ZNF804B: variants seen among roughly 807,000 people sequenced by gnomAD.
ZNF804B encodes zinc finger 804B.
In ZNF804B, 80 loss-of-function variants were observed where a neutral mutation model predicts 101.4. The ratio of observed to expected loss-of-function variants is 0.79; its 90% CI spans 0.66 to 0.95. The LOEUF (loss-of-function observed/expected upper bound fraction) is 0.95. ZNF804B is among the 40% of genes least tolerant of loss of function. ZNF804B has a pLI of 0.00. For synonymous variants in ZNF804B, 622 were observed against 558.8 expected (o/e 1.11, Z -1.59); for missense variants, 1,673 against 1,561.9 (o/e 1.07, Z -1.20).
intron 1 of ZNF804B, among the ~76,000 whole-genome samples, chr7:88,801,492 C>T (rs1254396642): frequency 1.3e-5 from 2 of 152,024 alleles, no homozygotes; most frequent in African/African-American, 2.4e-5. Flanking sequence ...GCACCCAGAG[C>T]CCTTTTAAGA....
At chr7:89,282,613 A>G (rs1012005490) in intron 2 of ZNF804B, among the ~76,000 whole-genome samples, 16 of 152,172 alleles carry the variant, frequency 1.1e-4, no homozygotes, top group Admixed American at 4.6e-4. Context: ...ATTTGGAAAA[A>G]TGGTCTTTGC....
intron 2 of ZNF804B, among the ~76,000 whole-genome samples, chr7:89,247,583 A>G (rs909181934): frequency 2.0e-5 from 3 of 152,196 alleles, no homozygotes; most frequent in Non-Finnish European, 4.4e-5. Flanking sequence ...TAATAATATT[A>G]CAGAGAAATA....
intron 2 of ZNF804B, among the ~76,000 whole-genome samples, chr7:89,274,286 A>C (rs1397754860): frequency 2.2e-5 from 3 of 137,824 alleles, no homozygotes; most frequent in Non-Finnish European, 4.7e-5. Context: ...CATTAGGTAT[A>C]TCTCCCAGTG....
chr7:89,102,388 A>T (rs549306085), intron 1 of ZNF804B, among the ~76,000 whole-genome samples: 1 of 151,890 alleles, frequency 6.6e-6, no homozygotes, highest in Non-Finnish European at 1.5e-5. Context: ...AACCATTATG[A>T]GTGGTATAAA....
At chr7:88,786,691 T>G (rs1388703887) in intron 1 of ZNF804B, among the ~76,000 whole-genome samples, 2 of 152,102 alleles carry the variant, frequency 1.3e-5, no homozygotes, top group South Asian at 2.1e-4. Context: ...ATAGCAATAC[T>G]GGAGATATCC....
chr7:89,179,412 T>A lies in ZNF804B; in HGVS notation c.109-38743T>A, dbSNP rs547748110. Among the ~76,000 whole-genome samples, 483 of 152,238 alleles carry A rather than the reference T, an allele frequency of 3.2e-3. 3 individuals are homozygous for A. The highest frequency in any genetic ancestry group is 0.014 in the Middle Eastern group (4 of 294). On this transcript the variant is annotated intron_variant, in intron 1 of 3. Transcript: ENST00000333190. ...TTTCTTTCTTCTGTTAAAAAAAAAA[T>A]CTGCTATTGAGAGACTCTGATGCAT... is the stretch of plus-strand genomic sequence containing the variant.
chr7:89,150,195 A>G (rs1790851998), intron 1 of ZNF804B, among the ~76,000 whole-genome samples: 1 of 152,022 alleles, frequency 6.6e-6, no homozygotes, highest in African/African-American at 2.4e-5. Context: ...AGGAGTCAGG[A>G]GCCATCTAGG....
intron 1 of ZNF804B, among the ~76,000 whole-genome samples, chr7:89,047,293 A>G (rs1168474617): frequency 1.3e-5 from 2 of 152,184 alleles, no homozygotes; most frequent in East Asian, 1.9e-4. Context: ...AACATTGGAT[A>G]TTAATTTATC....
intron 1 of ZNF804B, among the ~76,000 whole-genome samples, chr7:89,094,257 T>C (rs1231417612): frequency 6.6e-6 from 1 of 152,236 alleles, no homozygotes; most frequent in Non-Finnish European, 1.5e-5. Flanking sequence ...GATGCCTGTA[T>C]AAATCATTAT....
chr7:88,874,424 A>T (rs931121913), intron 1 of ZNF804B, among the ~76,000 whole-genome samples: 3 of 151,854 alleles, frequency 2.0e-5, no homozygotes, highest in Non-Finnish European at 4.4e-5. Flanking sequence ...AAACAGGGAC[A>T]ATTTGACTTC....
At chr7:89,112,140 T>A (rs1285091162) in intron 1 of ZNF804B, among the ~76,000 whole-genome samples, 1 of 150,718 alleles carries the variant, frequency 6.6e-6, no homozygotes, top group Non-Finnish European at 1.5e-5. Context: ...ATGGCAACAC[T>A]TTTATGTCAT....
intron 2 of ZNF804B, among the ~76,000 whole-genome samples, chr7:89,278,237 A>T (rs966219224): frequency 6.6e-6 from 1 of 151,968 alleles, no homozygotes; most frequent in African/African-American, 2.4e-5. Context: ...TTCATTATAG[A>T]TTCTGGATAT....
At chr7:89,306,998 G>A (rs113104020) in intron 2 of ZNF804B, among the ~76,000 whole-genome samples, 1 of 151,996 alleles carries the variant, frequency 6.6e-6, no homozygotes, top group East Asian at 1.9e-4. Flanking sequence ...CCCTCTAAAA[G>A]GACTGCATGC....
At chr7:88,956,757 A>C (rs997619994) in intron 1 of ZNF804B, among the ~76,000 whole-genome samples, 1 of 151,400 alleles carries the variant, frequency 6.6e-6, no homozygotes, top group Non-Finnish European at 1.5e-5. Flanking sequence ...TTAATATAAA[A>C]TGTTATCTCA....
chr7:89,321,181 G>A (rs982624983), intron 2 of ZNF804B, among the ~76,000 whole-genome samples: 1 of 152,062 alleles, frequency 6.6e-6, no homozygotes, highest in African/African-American at 2.4e-5. Flanking sequence ...AACATAAACT[G>A]TAATAAATTT....
At chr7:89,081,780 T>G (rs373212454) in intron 1 of ZNF804B, among the ~76,000 whole-genome samples, 2 of 151,806 alleles carry the variant, frequency 1.3e-5, no homozygotes, top group African/African-American at 4.8e-5. Flanking sequence ...TTGTTGTATT[T>G]GGGTGTTATA....
At chr7:88,760,382 T>A (rs1306265838) in intron 1 of ZNF804B, among the ~76,000 whole-genome samples, 1 of 152,264 alleles carries the variant, frequency 6.6e-6, no homozygotes, top group African/African-American at 2.4e-5. Flanking sequence ...GTAGCTCCTC[T>A]GTGCTATGTC....
chr7:89,322,271 A>G (rs1211572926), intron 2 of ZNF804B, among the ~76,000 whole-genome samples: 1 of 152,214 alleles, frequency 6.6e-6, no homozygotes, highest in African/African-American at 2.4e-5. Flanking sequence ...TCTGCTTTCA[A>G]GTGCACATGG....
intron 1 of ZNF804B, among the ~76,000 whole-genome samples, chr7:88,890,111 T>G (rs543045260): frequency 4.1e-4 from 62 of 152,298 alleles, no homozygotes; most frequent in African/African-American, 1.2e-3. Flanking sequence ...GGAGTAATTT[T>G]AGAAATTTAC....
Sources: allele counts gnomAD v4.1 joint callset (sites outside exome capture counted in the v4.1 genomes callset), GRCh38; gene constraint gnomAD v4.1.1; transcripts MANE v1.5; gene names NCBI Gene and HGNC (gene_info 2026-07-23, HGNC 2026-07-21).